Variants in HPSE2 observed in about 807,000 individuals in gnomAD.
HPSE2 encodes heparanase 2 (inactive).
A neutral mutation model predicts 60.5 loss-of-function variants in HPSE2; 38 were observed. That is an observed-to-expected ratio of 0.63 (90% CI 0.48 to 0.82). The LOEUF is 0.82. Ranked by LOEUF, HPSE2 falls within the 40% of genes least tolerant of loss-of-function variation. HPSE2 has a pLI of 0.00. For synonymous variants in HPSE2, 295 were observed against 293.2 expected (o/e 1.01, Z -0.06); for missense variants, 713 against 740.4 (o/e 0.96, Z 0.43).
intron 9 of HPSE2, among the ~76,000 whole-genome samples, chr10:98,576,840 A>C (rs1197415668): frequency 2.0e-5 from 3 of 152,214 alleles, no homozygotes; most frequent in Middle Eastern, 3.4e-3. Context: ...ATTGCTAATT[A>C]GCCCTCCTTT....
chr10:98,483,724 A>T (rs1352144585), intron 10 of HPSE2, among the ~76,000 whole-genome samples: 1 of 152,246 alleles, frequency 6.6e-6, no homozygotes, highest in African/African-American at 2.4e-5. Flanking sequence ...TCCCTCTGCC[A>T]GAAGACTGAC....
intron 3 of HPSE2, among the ~76,000 whole-genome samples, chr10:98,986,367 C>T (rs1239182787): frequency 6.6e-6 from 1 of 151,598 alleles, no homozygotes; most frequent in Non-Finnish European, 1.5e-5. Flanking sequence ...TACATGGAAA[C>T]TGAACAACCT....
chr10:98,759,832 GC>G (rs1949965486), intron 3 of HPSE2, among the ~76,000 whole-genome samples: 2 of 152,048 alleles, frequency 1.3e-5, no homozygotes, highest in African/African-American at 2.4e-5. Context: ...TGTGAAAAAT[GC>G]CATTGGAATT....
At chr10:99,135,043 C>CA (rs369986847) in intron 3 of HPSE2, among the ~76,000 whole-genome samples, 26 of 147,602 alleles carry the variant, frequency 1.8e-4, no homozygotes, top group East Asian at 7.9e-4. Flanking sequence ...AAATGGAAAG[C>CA]AAAAAAAAAC....
At chr10:98,988,949 C>T (rs1189224967) in intron 3 of HPSE2, among the ~76,000 whole-genome samples, 12 of 145,190 alleles carry the variant, frequency 8.3e-5, no homozygotes, top group Non-Finnish European at 1.8e-4. Flanking sequence ...CAATGAGATA[C>T]CATCTCACAC....
chr10:99,184,522 CAAAAAAAAAA>C (rs200059066), intron 2 of HPSE2, among the ~76,000 whole-genome samples: 75 of 60,672 alleles, frequency 1.2e-3, no homozygotes, highest in East Asian at 8.5e-3. Context: ...GAGACTGTCT[CAAAAAAAAAA>C]AAAAAAAAAA....
intron 2 of HPSE2, among the ~76,000 whole-genome samples, chr10:99,150,745 G>C (rs1297789136): frequency 1.3e-5 from 2 of 152,144 alleles, no homozygotes; most frequent in African/African-American, 4.8e-5. Flanking sequence ...CCCAACATAG[G>C]CTAAGTTCTT....
intron 7 of HPSE2, among the ~76,000 whole-genome samples, chr10:98,638,261 C>G (rs996099460): frequency 6.7e-6 from 1 of 150,096 alleles, no homozygotes; most frequent in African/African-American, 2.5e-5. Flanking sequence ...CTGGCTAACA[C>G]GGTGAAACCC....
intron 6 of HPSE2, among the ~76,000 whole-genome samples, chr10:98,647,257 A>G (rs753196528): frequency 6.6e-6 from 1 of 152,202 alleles, no homozygotes; most frequent in Non-Finnish European, 1.5e-5. Flanking sequence ...TTGTACTACA[A>G]TTAGCCACTT....
chr10:98,672,256 T>A (rs1947525502), intron 6 of HPSE2, among the ~76,000 whole-genome samples: 1 of 152,154 alleles, frequency 6.6e-6, no homozygotes, highest in African/African-American at 2.4e-5. Flanking sequence ...GCTATCCACC[T>A]TCATACCAAA....
intron 3 of HPSE2, among the ~76,000 whole-genome samples, chr10:98,808,883 C>T (rs1304958302): frequency 1.3e-5 from 2 of 152,152 alleles, no homozygotes; most frequent in Non-Finnish European, 2.9e-5. Context: ...AGTTTACTAG[C>T]TTAACATACA....
the HPSE2 span, among the ~76,000 whole-genome samples, chr10:99,275,187 T>A: frequency 5.9e-5 from 9 of 152,234 alleles, no homozygotes. Flanking sequence ...GTAATGGCTG[T>A]TAGAGAACTG....
chr10:98,738,597 C>G (rs1215931191), intron 4 of HPSE2, among the ~76,000 whole-genome samples: 2 of 152,044 alleles, frequency 1.3e-5, no homozygotes, highest in African/African-American at 4.8e-5. Context: ...GGCGAATATC[C>G]AGAATCTACA....
At chr10:99,166,689 C>G (rs1435224863) in intron 2 of HPSE2, among the ~76,000 whole-genome samples, 1 of 151,892 alleles carries the variant, frequency 6.6e-6, no homozygotes, top group Non-Finnish European at 1.5e-5. Context: ...CTCTTGCCCA[C>G]TTTTTATTTG....
At chr10:98,641,808 C>G in intron 7 of HPSE2, 39 bp downstream of exon 7, 2 of 1,448,340 alleles carry the variant, frequency 1.4e-6, no homozygotes, top group Non-Finnish European at 1.9e-6. Flanking sequence ...GTCTTACCCC[C>G]AGAATCGCTC....
At chr10:99,047,556 A>G in intron 3 of HPSE2, 1 of 522,922 alleles carries the variant, frequency 1.9e-6, no homozygotes, top group Non-Finnish European at 3.4e-6. Flanking sequence ...GAAAATATTC[A>G]CAAACTTTGC....
rs184518913 is a variant in HPSE2 at position 99,162,671 on chromosome 10, C to T, written c.449-18272G>A. On this transcript the variant is annotated intron_variant, in intron 2 of 11. Coordinates refer to ENST00000370552, the MANE Select transcript of HPSE2 (RefSeq NM_021828.5). ...TCTACCCTATTCTCCCTCCAAATAA[C>T]TTGTCCTTTAATTTCCCTAGTCTTC... Among the ~76,000 whole-genome samples, 3 of 152,282 alleles carry T rather than the reference C, an allele frequency of 2.0e-5. No individual in the cohort carries two copies. The East Asian group carries it at 5.8e-4, about 29-fold the overall frequency.
chr10:99,176,295 T>C (rs570648907), intron 2 of HPSE2, among the ~76,000 whole-genome samples: 2 of 152,160 alleles, frequency 1.3e-5, no homozygotes, highest in South Asian at 4.1e-4. Context: ...AGAAGTAAGC[T>C]TCAGAAGGTG....
intron 3 of HPSE2, among the ~76,000 whole-genome samples, chr10:98,840,213 A>G (rs1324052619): frequency 6.6e-6 from 1 of 152,218 alleles, no homozygotes; most frequent in Non-Finnish European, 1.5e-5. Flanking sequence ...GGAAAAGTGA[A>G]TTAATAGTTC....
Sources: gnomAD v4.1 joint callset for allele counts (sites outside exome capture counted in the v4.1 genomes callset) on GRCh38, gnomAD v4.1.1 for gene constraint, MANE v1.5 for transcripts, NCBI Gene and HGNC (gene_info 2026-07-23, HGNC 2026-07-21) for gene names.